The following ZFAND1 variants were observed in gnomAD, a reference collection of about 807,000 sequenced individuals.
ZFAND1 encodes the protein zinc finger AN1-type containing 1, also known as AN1-type zinc finger protein 1.
Under a neutral mutation model 38.5 loss-of-function variants are expected in ZFAND1, and 40 were observed. The observed-to-expected ratio is 1.04, with a 90% CI of 0.81 to 1.35. ZFAND1 has a LOEUF of 1.35. ZFAND1 is among the 40% of genes most tolerant of loss of function. The pLI is 0.00. For synonymous variants in ZFAND1, 117 were observed against 103.6 expected (o/e 1.13, Z -0.78); for missense variants, 346 against 316.3 (o/e 1.09, Z -0.71).
rs747093723 is a variant in ZFAND1 at position 81,715,064 on chromosome 8, T to A, written c.189A>T (p.Pro63=). The A allele has an allele frequency of 1.2e-6, 2 of 1,613,926 alleles. No homozygotes were observed. Among genetic ancestry groups the A allele is most frequent in the Admixed American group, 1.7e-5 (1 of 60,004 alleles). Residue 63 remains proline (P), a synonymous_variant, in exon 4 of 8, where the codon CCA becomes CCT. Transcript: ENST00000220669. ...RLKTDQHTSY[P]CSFKDCAERE... ...TCTCAGCACAGTCTTTGAAAGAGCA[T>A]GGGTAAGATGTATGTTGATCTGTCT... is the stretch of plus-strand genomic sequence containing the variant.
At chr8:81,703,394 T>C (rs1346745799) in intron 6 of ZFAND1, among the ~76,000 whole-genome samples, 1 of 149,158 alleles carries the variant, frequency 6.7e-6, no homozygotes, top group Admixed American at 6.8e-5. Context: ...GTTCAACAGC[T>C]TAGGAGACAA....
At chr8:81,720,150 A>T (rs2130445290) in intron 1 of ZFAND1, among the ~76,000 whole-genome samples, 1 of 152,314 alleles carries the variant, frequency 6.6e-6, no homozygotes, top group Admixed American at 6.5e-5. Context: ...CCAAGGGGAG[A>T]TTAAACCTGT....
chr8:81,715,725 C>T (rs1048700016), intron 3 of ZFAND1, among the ~76,000 whole-genome samples: 11 of 151,410 alleles, frequency 7.3e-5, no homozygotes, highest in African/African-American at 1.9e-4. Context: ...GACGAGTAAA[C>T]GTAGGGAAAT....
chr8:81,701,542 C>T lies in ZFAND1; in HGVS notation c.*1153G>A, dbSNP rs892272988. 1 of 152,054 alleles carries T rather than the reference C, an allele frequency of 6.6e-6. No homozygotes were observed. Among genetic ancestry groups the T allele is most frequent in the African/African-American group, 2.4e-5 (1 of 41,390 alleles). 9.4% of individuals were successfully genotyped at this position (152,054 alleles called of 1,614,324 possible). A position where few individuals can be genotyped will look rare whatever the true frequency, so the allele number is the denominator to read the frequency against. ...GAACCCACAATATTTCCAAGGTATA[C>T]CTGTATGTATACATATCATCATTGT... On this transcript the variant is annotated 3_prime_UTR_variant, in exon 8 of 8. Coordinates refer to ENST00000220669, the MANE Select transcript of ZFAND1 (RefSeq NM_024699.3).
intron 5 of ZFAND1, 136 bp downstream of exon 5, chr8:81,714,668 A>T: frequency 1.3e-6 from 1 of 758,376 alleles, no homozygotes; most frequent in African/African-American, 1.8e-5. Flanking sequence ...TACTGTCACA[A>T]GAATATCATC....
chr8:81,720,415 T>A (rs953776340), intron 1 of ZFAND1, among the ~76,000 whole-genome samples: 4 of 149,750 alleles, frequency 2.7e-5, no homozygotes, highest in Non-Finnish European at 5.9e-5. Context: ...TTTACACCCT[T>A]ATGTGGTCCA....
Position 81,713,146 on chromosome 8 carries a change from G to A in ZFAND1, c.480+772C>T, listed in dbSNP as rs529472269. ...GTTTTTGTTCGTTTTTTTTTGAGACGGAGTCTCGCTCTGTCGCCCAGGCTG... is the reference window on the plus strand; with the variant it reads ...GTTTTTGTTCGTTTTTTTTTGAGACAGAGTCTCGCTCTGTCGCCCAGGCTG... On this transcript the variant is annotated intron_variant, in intron 6 of 7. Coordinates refer to ENST00000220669, the MANE Select transcript of ZFAND1 (RefSeq NM_024699.3). 3.3e-5 allele frequency among the ~76,000 whole-genome samples: 5 copies of A among 151,898 alleles called. No individual in the cohort carries two copies. The South Asian group carries it at 6.2e-4, about 19-fold the overall frequency.
At chr8:81,707,367 T>C (rs1220956779) in intron 6 of ZFAND1, among the ~76,000 whole-genome samples, 1 of 152,216 alleles carries the variant, frequency 6.6e-6, no homozygotes, top group African/African-American at 2.4e-5. Flanking sequence ...CACATCCTTG[T>C]GGGAAACATG....
chr8:81,712,480 A>C (rs1270965845), intron 6 of ZFAND1, among the ~76,000 whole-genome samples: 2 of 152,120 alleles, frequency 1.3e-5, no homozygotes, highest in Non-Finnish European at 2.9e-5. Flanking sequence ...CTACACAGAA[A>C]ATAGCCCAGA....
intron 6 of ZFAND1, among the ~76,000 whole-genome samples, chr8:81,713,589 A>C (rs549559992): frequency 2.0e-5 from 3 of 152,302 alleles, no homozygotes; most frequent in Admixed American, 6.5e-5. Flanking sequence ...ATACACAAGG[A>C]TGGTCACCAT....
At chr8:81,706,696 T>C (rs969882273) in intron 6 of ZFAND1, among the ~76,000 whole-genome samples, 3 of 152,070 alleles carry the variant, frequency 2.0e-5, no homozygotes, top group African/African-American at 7.2e-5. Context: ...GCTATTCTTA[T>C]TTGTTAATGA....
intron 6 of ZFAND1, chr8:81,708,953 G>T: frequency 3.5e-6 from 1 of 283,468 alleles, no homozygotes; most frequent in Non-Finnish European, 6.1e-6. Context: ...TTCGAAATGT[G>T]AATTGTAATT....
At chr8:81,717,202 A>G (rs781401632) in intron 3 of ZFAND1, 47 bp downstream of exon 3, 2 of 1,451,878 alleles carry the variant, frequency 1.4e-6, no homozygotes, top group South Asian at 1.4e-5. Context: ...GAATGAAAGT[A>G]CATAAATACG....
intron 6 of ZFAND1, among the ~76,000 whole-genome samples, chr8:81,707,901 T>C (rs1808028793): frequency 1.3e-5 from 2 of 152,096 alleles, no homozygotes; most frequent in Non-Finnish European, 2.9e-5. Flanking sequence ...GAAAATAAAA[T>C]TAAGCCCTCA....
At chr8:81,711,348 G>A (rs188301540) in intron 6 of ZFAND1, among the ~76,000 whole-genome samples, 2 of 152,204 alleles carry the variant, frequency 1.3e-5, no homozygotes, top group Admixed American at 6.5e-5. Flanking sequence ...GGAGGGGGAC[G>A]TTGCAGTGAG....
chr8:81,708,693 G>T (rs368025309), intron 6 of ZFAND1: 14 of 917,958 alleles, frequency 1.5e-5, no homozygotes, highest in African/African-American at 9.0e-5. Context: ...TAAAAAGAAT[G>T]CTAATAGCTA....
chr8:81,710,248 T>G (rs964811996), intron 6 of ZFAND1, among the ~76,000 whole-genome samples: 2 of 152,224 alleles, frequency 1.3e-5, no homozygotes, highest in African/African-American at 4.8e-5. Context: ...TTAGGGGATG[T>G]AAATGGATGA....
chr8:81,715,068 T>TCC lies in ZFAND1; in HGVS notation c.184_185insGG (p.Tyr62TrpfsTer28). On this transcript the variant is annotated frameshift_variant, in exon 4 of 8. Coordinates refer to ENST00000220669, the MANE Select transcript of ZFAND1 (RefSeq NM_024699.3). LOFTEE classifies it high-confidence loss of function. The stretch of plus-strand genomic sequence containing the variant: ...AGCACAGTCTTTGAAAGAGCATGGG[T>TCC]AAGATGTATGTTGATCTGTCTTCAG... 1 of 1,614,070 alleles carries TCC rather than the reference T, an allele frequency of 6.2e-7. No homozygotes were observed. The highest frequency in any genetic ancestry group is 8.5e-7 in the Non-Finnish European group (1 of 1,179,970).
intron 6 of ZFAND1, among the ~76,000 whole-genome samples, chr8:81,709,735 A>G: frequency 6.6e-6 from 1 of 152,160 alleles, no homozygotes; most frequent in East Asian, 1.9e-4. Context: ...TTTATCTACA[A>G]ACTTATAGAA....
Sources: allele counts gnomAD v4.1 joint callset (sites outside exome capture counted in the v4.1 genomes callset), GRCh38; gene constraint gnomAD v4.1.1; transcripts MANE v1.5; gene names NCBI Gene and HGNC (gene_info 2026-07-23, HGNC 2026-07-21).